Variants in KMT2A observed in about 807,000 individuals in gnomAD.
The protein encoded by KMT2A is histone-lysine N-methyltransferase 2A.
Under a neutral mutation model 345.3 loss-of-function variants are expected in KMT2A, and 16 were observed. That is an observed-to-expected ratio of 0.05 (90% CI 0.03 to 0.07). The LOEUF is 0.07. KMT2A is among the 10% of genes least tolerant of loss of function. The pLI is 1.00. For missense variants in KMT2A, 3,272 were observed against 4,841.6 expected, an observed-to-expected ratio of 0.68 and a Z score of 9.62; for synonymous variants, 1,599 against 1,778.6, an observed-to-expected ratio of 0.90 and a Z score of 2.54.
Position 118,502,483 on chromosome 11 carries a change from T to C in KMT2A, c.6591T>C (p.Arg2197=), listed in dbSNP as rs782211560. 1.2e-6 allele frequency: 2 copies of C among 1,614,032 alleles called. No homozygotes were observed. The highest frequency in any genetic ancestry group is 1.3e-5 in the African/African-American group (1 of 75,018). The change falls in exon 27 of 36, where the codon CGT becomes CGC. Residue 2197 remains arginine (R), a synonymous_variant. Coordinates refer to ENST00000534358, the MANE Select transcript of KMT2A (RefSeq NM_001197104.2). This position sits in a 1 kb window ranked among gnomAD's most constrained non-coding sequence, Gnocchi z 4.9. ...SSGLRSIGSR[R]HSTSSLSPQR... Reference sequence around the variant, plus strand: ...GACTTCGAAGCATTGGCTCCAGGCGTCACAGTACCTCTTCCTTATCACCCC... The same window carrying C: ...GACTTCGAAGCATTGGCTCCAGGCGCCACAGTACCTCTTCCTTATCACCCC...
Position 118,505,817 on chromosome 11 carries a change from G to A in KMT2A, c.9925G>A (p.Val3309Met), listed in dbSNP as rs782388777. 6.2e-7 allele frequency: 1 copy of A among 1,614,190 alleles called. No homozygotes were observed. The highest frequency in any genetic ancestry group is 8.5e-7 in the Non-Finnish European group (1 of 1,180,032). Reference protein sequence around the residue: ...FEPAPLLPQSVGGTAATAAGT... With the variant: ...FEPAPLLPQSMGGTAATAAGT... ...ACCGGCACCCCTGTTACCACAGAGTGTGGGAGGAACTGCTGCCACAGCGGC... is the reference window on the plus strand; with the variant it reads ...ACCGGCACCCCTGTTACCACAGAGTATGGGAGGAACTGCTGCCACAGCGGC... The change falls in exon 27 of 36, where the codon GTG (valine) becomes ATG (methionine). Residue 3309 changes from valine to methionine, a missense_variant. Val to Met is a conservative substitution (Grantham distance 21). This residue lies in a region of KMT2A where 748 missense variants were observed against 922.2 expected (regional missense o/e 0.81). Coordinates refer to ENST00000534358, the MANE Select transcript of KMT2A (RefSeq NM_001197104.2). The surrounding 1 kb of genome is among the most constrained non-coding windows in gnomAD (Gnocchi z 4.6).
intron 1 of KMT2A, among the ~76,000 whole-genome samples, chr11:118,446,387 C>G (rs1341077796): frequency 6.6e-6 from 1 of 152,142 alleles, no homozygotes; most frequent in Non-Finnish European, 1.5e-5. Context: ...GATTTGCTAA[C>G]ATACTCAGTA....
intron 1 of KMT2A, among the ~76,000 whole-genome samples, chr11:118,445,753 A>G (rs1949404923): frequency 6.6e-6 from 1 of 152,250 alleles, no homozygotes; most frequent in Admixed American, 6.5e-5. Flanking sequence ...CTATAATCCC[A>G]GCACTTTGGG....
chr11:118,449,094 T>C (rs1555027972), intron 1 of KMT2A: 1 of 152,188 alleles, frequency 6.6e-6, no homozygotes, highest in African/African-American at 2.4e-5. Context: ...CCAGGGACTT[T>C]CTTTTTTTTA....
intron 31 of KMT2A, among the ~76,000 whole-genome samples, chr11:118,513,845 G>A (rs1032252111): frequency 6.7e-6 from 1 of 150,212 alleles, no homozygotes; most frequent in African/African-American, 2.5e-5. Context: ...GCTGATGTGG[G>A]AGGAGCGCAT....
At chr11:118,519,203 A>G (rs1046435923) in intron 31 of KMT2A, among the ~76,000 whole-genome samples, 3 of 152,030 alleles carry the variant, frequency 2.0e-5, no homozygotes, top group Non-Finnish European at 4.4e-5. Context: ...TCCAGAGTTC[A>G]TATCTTGTCA....
rs983323283 is a variant in KMT2A, at chr11:118,494,101, C to T, written c.5179-187C>T. Among the ~76,000 whole-genome samples, 2 of 152,208 alleles carry T rather than the reference C, an allele frequency of 1.3e-5. No homozygotes were observed. Among genetic ancestry groups the T allele is most frequent in the African/African-American group, 2.4e-5 (1 of 41,450 alleles). On this transcript the variant is annotated intron_variant, in intron 16 of 35. Coordinates refer to ENST00000534358, the MANE Select transcript of KMT2A (RefSeq NM_001197104.2). The surrounding 1 kb of genome is among the most constrained non-coding windows in gnomAD (Gnocchi z 5.8). ...CATTCTTACCTCATTAGCCTGGCATCTCTTAATTGCCACAGGTTAATCGTG... is the reference window on the plus strand; with the variant it reads ...CATTCTTACCTCATTAGCCTGGCATTTCTTAATTGCCACAGGTTAATCGTG...
chr11:118,442,355 T>A (rs1416011303), intron 1 of KMT2A, among the ~76,000 whole-genome samples: 5 of 152,244 alleles, frequency 3.3e-5, no homozygotes, highest in Non-Finnish European at 7.3e-5. Flanking sequence ...AAATTACTAA[T>A]GAGTCTGGCA....
In KMT2A at chr11:118,436,512, C is replaced by T. The variant is rs782575816; in HGVS notation, c.-1C>T. On this transcript the variant is annotated 5_prime_UTR_variant, in exon 1 of 36. Transcript: ENST00000534358. The surrounding 1 kb of genome is among the most constrained non-coding windows in gnomAD (Gnocchi z 6.9). ...TCGCTGCTTCACTTCACGGGGCGAA[C>T]ATGGCGCACAGCTGTCGGTGGCGCT... The T allele has an allele frequency of 9.5e-6, 12 of 1,264,234 alleles. No homozygotes were observed. The highest frequency in any genetic ancestry group is 1.2e-5 in the Non-Finnish European group (12 of 994,328). 78.3% of individuals were successfully genotyped at this position (1,264,234 alleles called of 1,614,324 possible).
At position 118,503,859 on chromosome 11, in the gene KMT2A, G is replaced by A; in HGVS notation, c.7967G>A (p.Gly2656Glu). The A allele has an allele frequency of 6.2e-7, 1 of 1,614,178 alleles. No individual in the cohort carries two copies. Among genetic ancestry groups the A allele is most frequent in the Middle Eastern group, 1.6e-4 (1 of 6,062 alleles). The part of the protein sequence containing the change: ...EDIPFYSSST[G>E]KKRGKRSAEG... ...ATTCCATTCTACAGCAGCTCAACTG[G>A]GAAGAAGCGAGGCAAGAGATCAGCT... Residue 2656 changes from glycine to glutamate, a missense_variant, in exon 27 of 36, where the codon GGG becomes GAG. Gly to Glu is a moderately conservative substitution (Grantham distance 98, BLOSUM62 -2). Around this residue, in one of 27 missense-constraint regions of KMT2A, gnomAD observed 21 missense variants for 74.6 expected, o/e 0.28. Transcript: ENST00000534358. This position sits in a 1 kb window ranked among gnomAD's most constrained non-coding sequence, Gnocchi z 5.3.
At chr11:118,453,710 C>T (rs1949586026) in intron 1 of KMT2A, among the ~76,000 whole-genome samples, 1 of 152,146 alleles carries the variant, frequency 6.6e-6, no homozygotes, top group East Asian at 1.9e-4. Flanking sequence ...TATTGTGGGC[C>T]AGGCTATATT....
chr11:118,519,528 A>C (rs190124475), intron 31 of KMT2A, 90 bp from the exon 32 acceptor site: 201 of 1,177,086 alleles, frequency 1.7e-4, no homozygotes, highest in Non-Finnish European at 2.2e-4. Flanking sequence ...AGCCTCTGGC[A>C]GAGTGACTAT....
chr11:118,479,656 TAA>T (rs1453711633), intron 5 of KMT2A, among the ~76,000 whole-genome samples: 1 of 152,222 alleles, frequency 6.6e-6, no homozygotes, highest in Non-Finnish European at 1.5e-5. Context: ...GCATTAAATT[TAA>T]GAGTTAAAGT....
intron 15 of KMT2A, among the ~76,000 whole-genome samples, chr11:118,492,554 C>G (rs544281191): frequency 1.3e-5 from 2 of 152,350 alleles, no homozygotes; most frequent in South Asian, 4.1e-4. Flanking sequence ...TAGCGGTCAC[C>G]TGTAGTCCCA....
chr11:118,501,558 A>T, intron 25 of KMT2A, 114 bp from the exon 26 acceptor site: 1 of 789,226 alleles, frequency 1.3e-6, no homozygotes, highest in South Asian at 1.9e-5. Flanking sequence ...TTTACTTGGG[A>T]AGTCTCATTT....
In KMT2A at chr11:118,506,333, C is replaced by A. The variant is rs782107354; in HGVS notation, c.10441C>A (p.Pro3481Thr). 14 of 1,614,018 alleles carry A rather than the reference C, an allele frequency of 8.7e-6. No individual in the cohort carries two copies. In the East Asian group the frequency reaches 2.2e-4, roughly 26 times the overall value. ...GCGTGATCTTGATTCTGCTTCAGGGCCCCAGGTATCCAACTTTACCCAGAC... is the reference window on the plus strand; with the variant it reads ...GCGTGATCTTGATTCTGCTTCAGGGACCCAGGTATCCAACTTTACCCAGAC... Reference protein sequence around the residue: ...SQRDLDSASGPQVSNFTQTVD... With the variant: ...SQRDLDSASGTQVSNFTQTVD... Residue 3481 changes from proline to threonine, a missense_variant, in exon 27 of 36, where the codon CCC becomes ACC. Physicochemically the swap from Pro to Thr is conservative, Grantham distance 38 (BLOSUM62 -1). Transcript: ENST00000534358.
rs9332815 is a variant in KMT2A at position 118,492,854 on chromosome 11, C to T, written c.5005-203C>T. On this transcript the variant is annotated intron_variant, in intron 15 of 35. Transcript: ENST00000534358. The stretch of plus-strand genomic sequence containing the variant: ...CTAGGTTTGGAATTATCAAGAAAAG[C>T]TCCTAAGTTACCCTAGCTAAGCTAT... Among the ~76,000 whole-genome samples, 1,072 of 152,254 alleles carry T rather than the reference C, an allele frequency of 7.0e-3. 10 individuals carry two copies. The highest frequency in any genetic ancestry group is 0.025 in the African/African-American group (1,035 of 41,536).
At chr11:118,478,892 G>T (rs1950084148) in intron 5 of KMT2A, among the ~76,000 whole-genome samples, 1 of 152,030 alleles carries the variant, frequency 6.6e-6, no homozygotes, top group Admixed American at 6.5e-5. Flanking sequence ...AAAGTACTGG[G>T]ATTACAAACA....
At chr11:118,483,232 C>CA (rs35780241) in intron 8 of KMT2A, among the ~76,000 whole-genome samples, 7,567 of 115,792 alleles carry the variant, frequency 0.065, 220 homozygotes, top group Non-Finnish European at 0.075. Flanking sequence ...GACTCCATCC[C>CA]AAAAAAAAAA....
Sources: allele counts gnomAD v4.1 joint callset (sites outside exome capture counted in the v4.1 genomes callset), GRCh38; gene constraint gnomAD v4.1.1; regional missense constraint gnomAD v4.1.1; non-coding constraint Gnocchi (gnomAD v3.1); transcripts MANE v1.5; gene names NCBI Gene and HGNC (gene_info 2026-07-23, HGNC 2026-07-21).